Variants in SLAIN2 observed in about 807,000 individuals in gnomAD.
SLAIN2 encodes the protein SLAIN family member 2, also known as SLAIN motif-containing protein 2.
A neutral mutation model predicts 56.6 loss-of-function variants in SLAIN2; 31 were observed. That is an observed-to-expected ratio of 0.55 (90% CI 0.41 to 0.74). The LOEUF (loss-of-function observed/expected upper bound fraction) is 0.74, where lower values mean the gene tolerates loss of function less well. SLAIN2 is among the 30% of genes least tolerant of loss of function. The pLI, the probability that SLAIN2 is intolerant of heterozygous loss-of-function variation, is 0.00. For missense variants in SLAIN2, 777 were observed against 754.2 expected (o/e 1.03, Z -0.35); for synonymous variants, 317 against 284.9 (o/e 1.11, Z -1.13).
intron 6 of SLAIN2, among the ~76,000 whole-genome samples, chr4:48,385,746 G>C (rs1272624921): frequency 6.6e-6 from 1 of 150,820 alleles, no homozygotes; most frequent in East Asian, 2.0e-4. Flanking sequence ...TGATCCTCCT[G>C]CGTAGCTGGG....
Position 48,395,810 on chromosome 4 carries a change from C to CTTTTTTTTTTT in SLAIN2, c.1360+12034_1360+12044dup, listed in dbSNP as rs10649464. The stretch of plus-strand genomic sequence containing the variant: ...TGTGGACTTATTTGGGAACCTTAGG[C>CTTTTTTTTTTT]TTTTTTTTTTTTTTTTTTGAGACTT... On this transcript the variant is annotated intron_variant, in intron 6 of 7. Coordinates refer to ENST00000264313, the MANE Select transcript of SLAIN2 (RefSeq NM_020846.2). Among the ~76,000 whole-genome samples the CTTTTTTTTTTT allele has an allele frequency of 7.8e-4, 57 of 72,748 alleles. 2 individuals are homozygous for CTTTTTTTTTTT. Among genetic ancestry groups the CTTTTTTTTTTT allele is most frequent in the African/African-American group, 2.8e-3 (41 of 14,712 alleles). The allele number at this position is 72,748 out of a possible 152,430, so 47.7% of individuals were successfully genotyped here.
chr4:48,400,279 G>A (rs1229143544), intron 6 of SLAIN2, among the ~76,000 whole-genome samples: 1 of 151,178 alleles, frequency 6.6e-6, no homozygotes, highest in African/African-American at 2.4e-5. Flanking sequence ...AGATTTTCTA[G>A]TTTATGTACA....
intron 1 of SLAIN2, among the ~76,000 whole-genome samples, chr4:48,350,661 A>G (rs1325717838): frequency 6.6e-6 from 1 of 152,218 alleles, no homozygotes; most frequent in Non-Finnish European, 1.5e-5. Context: ...ACTCAAAATT[A>G]CGTCTTCTGA....
At chr4:48,405,963 TTAAACGTATTTTTTAA>T (rs1159414668) in intron 6 of SLAIN2, among the ~76,000 whole-genome samples, 2 of 152,206 alleles carry the variant, frequency 1.3e-5, no homozygotes, top group Non-Finnish European at 2.9e-5. Flanking sequence ...AATTACAGAT[TTAAACGTATTTTTTAA>T]TACATTTCAG....
chr4:48,393,796 G>A (rs1560461135), intron 6 of SLAIN2, among the ~76,000 whole-genome samples: 1 of 152,100 alleles, frequency 6.6e-6, no homozygotes, highest in Admixed American at 6.5e-5. Context: ...GGGGAAATTG[G>A]AACCACTTTT....
At chr4:48,343,680 G>A (rs919714313) in intron 1 of SLAIN2, among the ~76,000 whole-genome samples, 5 of 152,286 alleles carry the variant, frequency 3.3e-5, no homozygotes, top group African/African-American at 1.2e-4. Context: ...AGGAAAGAGC[G>A]GGAAGGGCAT....
chr4:48,420,490 G>T, intron 7 of SLAIN2, 47 bp downstream of exon 7: 2 of 1,591,110 alleles, frequency 1.3e-6, no homozygotes, highest in Non-Finnish European at 1.7e-6. Context: ...GCCTGAAAGT[G>T]GATAGACTGG....
chr4:48,380,718 A>G (rs555244788), intron 4 of SLAIN2, among the ~76,000 whole-genome samples: 16 of 152,258 alleles, frequency 1.1e-4, no homozygotes, highest in Non-Finnish European at 2.1e-4. Flanking sequence ...AATCTCTTCA[A>G]CCTTTACAAT....
chr4:48,403,782 A>C (rs1716619786), intron 6 of SLAIN2, among the ~76,000 whole-genome samples: 1 of 152,152 alleles, frequency 6.6e-6, no homozygotes, highest in African/African-American at 2.4e-5. Context: ...GCCTTGCATG[A>C]ATTCCTGGAA....
chr4:48,366,781 G>T (rs1227688693), intron 1 of SLAIN2, among the ~76,000 whole-genome samples: 1 of 152,142 alleles, frequency 6.6e-6, no homozygotes, highest in African/African-American at 2.4e-5. Flanking sequence ...GGGCCTCCAT[G>T]ACTTAATTTT....
chr4:48,399,783 C>T (rs1204979965), intron 6 of SLAIN2, among the ~76,000 whole-genome samples: 1 of 151,958 alleles, frequency 6.6e-6, no homozygotes, highest in Non-Finnish European at 1.5e-5. Flanking sequence ...GTCTTTAGTT[C>T]TGTTTATGTG....
rs182245186 is a variant in SLAIN2, at chr4:48,352,269, A to G, written c.389+10141A>G. Among the ~76,000 whole-genome samples, 109 of 152,312 alleles carry G rather than the reference A, an allele frequency of 7.2e-4. No individual in the cohort carries two copies. The East Asian group carries it at 0.013, about 19-fold the overall frequency. ...TATTCAAACCAAAGTATTGAATTCAAACCAAACTATTGAGTCCACAGTGAT... is the reference window on the plus strand; with the variant it reads ...TATTCAAACCAAAGTATTGAATTCAGACCAAACTATTGAGTCCACAGTGAT... On this transcript the variant is annotated intron_variant, in intron 1 of 7. Transcript: ENST00000264313.
At chr4:48,405,946 A>G (rs1577734967) in intron 6 of SLAIN2, among the ~76,000 whole-genome samples, 1 of 152,160 alleles carries the variant, frequency 6.6e-6, no homozygotes, top group Non-Finnish European at 1.5e-5. Flanking sequence ...AATGTTTTTC[A>G]TTATGAAATT....
chr4:48,342,278 G>A, intron 1 of SLAIN2, 150 bp downstream of exon 1: 2 of 1,061,436 alleles, frequency 1.9e-6, no homozygotes, highest in Non-Finnish European at 2.5e-6. Flanking sequence ...TTGGCAGAGG[G>A]AACGTCAGCT....
chr4:48,354,932 T>C (rs1242673131), intron 1 of SLAIN2, among the ~76,000 whole-genome samples: 1 of 151,614 alleles, frequency 6.6e-6, no homozygotes. Context: ...GGAGTCTTGC[T>C]CTTGTCACCC....
chr4:48,364,838 A>G (rs564941545), intron 1 of SLAIN2, among the ~76,000 whole-genome samples: 1 of 117,600 alleles, frequency 8.5e-6, no homozygotes. Context: ...TCGGCTCCGC[A>G]TGAGAGGGAG....
intron 6 of SLAIN2, among the ~76,000 whole-genome samples, chr4:48,409,617 C>T (rs539467798): frequency 2.6e-5 from 4 of 152,324 alleles, no homozygotes; most frequent in Non-Finnish European, 5.9e-5. Context: ...GACCCGGTGG[C>T]TCACGCCTGT....
intron 6 of SLAIN2, among the ~76,000 whole-genome samples, chr4:48,400,701 C>T (rs1444755943): frequency 6.6e-6 from 1 of 151,580 alleles, no homozygotes; most frequent in Non-Finnish European, 1.5e-5. Context: ...GTGCCTGGTC[C>T]CTTTTCTTCT....
intron 1 of SLAIN2, among the ~76,000 whole-genome samples, chr4:48,352,559 T>C (rs1483764619): frequency 6.6e-6 from 1 of 152,184 alleles, no homozygotes; most frequent in East Asian, 1.9e-4. Flanking sequence ...TTGTTGTGGG[T>C]GCTATCCTGT....
Sources: allele counts gnomAD v4.1 joint callset (sites outside exome capture counted in the v4.1 genomes callset), GRCh38; gene constraint gnomAD v4.1.1; transcripts MANE v1.5; gene names NCBI Gene and HGNC (gene_info 2026-07-23, HGNC 2026-07-21).